Variants in NEO1 observed in about 807,000 individuals in gnomAD.
The protein encoded by NEO1 is neogenin 1.
Under a neutral mutation model 159.7 loss-of-function variants are expected in NEO1, and 63 were observed. The ratio of observed to expected loss-of-function variants is 0.39; its 90% CI spans 0.32 to 0.49. The LOEUF is 0.49. NEO1 is among the 20% of genes least tolerant of loss of function. The pLI is 0.85. For synonymous variants in NEO1, 633 were observed against 662.0 expected, an observed-to-expected ratio of 0.96 and a Z score of 0.67; for missense variants, 1,615 against 1,831.0, an observed-to-expected ratio of 0.88 and a Z score of 2.15.
chr15:73,277,148 A>G (rs2041459998), intron 21 of NEO1, among the ~76,000 whole-genome samples: 1 of 152,250 alleles, frequency 6.6e-6, no homozygotes, highest in Non-Finnish European at 1.5e-5. Flanking sequence ...GTAATATGCA[A>G]GTGCAGTCTG....
At chr15:73,281,262 T>TC (rs2151087494) in intron 22 of NEO1, among the ~76,000 whole-genome samples, 1 of 50 alleles carries the variant, frequency 0.02, no homozygotes, top group South Asian at 0.5. Flanking sequence ...CTTCAGGAGA[T>TC]TTTTTCCCCC....
At chr15:73,258,052 G>A (rs191953552) in intron 13 of NEO1, among the ~76,000 whole-genome samples, 135 of 152,262 alleles carry the variant, frequency 8.9e-4, no homozygotes, top group Middle Eastern at 3.4e-3. Context: ...CTCATGTCCT[G>A]GCCAAGTTAT....
At chr15:73,298,658 C>T (rs2042473637) in intron 27 of NEO1, 47 bp downstream of exon 27, 1 of 1,602,864 alleles carries the variant, frequency 6.2e-7, no homozygotes, top group Non-Finnish European at 8.5e-7. Flanking sequence ...CCTGGAGTGA[C>T]CCTTTGGCTC....
At chr15:73,153,595 A>G (rs566439690) in intron 5 of NEO1, among the ~76,000 whole-genome samples, 3 of 152,352 alleles carry the variant, frequency 2.0e-5, no homozygotes, top group Non-Finnish European at 4.4e-5. Context: ...ATATTGGCGA[A>G]AGTCGTTATT....
chr15:73,225,985 C>G (rs2038566319), intron 7 of NEO1, among the ~76,000 whole-genome samples: 1 of 152,166 alleles, frequency 6.6e-6, no homozygotes, highest in African/African-American at 2.4e-5. Flanking sequence ...TCCTCTACCC[C>G]TGTATTTTGC....
intron 1 of NEO1, among the ~76,000 whole-genome samples, chr15:73,105,878 G>C (rs538399740): frequency 5.9e-5 from 9 of 152,152 alleles, no homozygotes; most frequent in Admixed American, 2.0e-4. Context: ...ATTTAGTTAA[G>C]ATGGTATCTG....
intron 8 of NEO1, among the ~76,000 whole-genome samples, chr15:73,242,271 C>T (rs1458812237): frequency 6.6e-6 from 1 of 152,140 alleles, no homozygotes; most frequent in African/African-American, 2.4e-5. Flanking sequence ...GACTGGAAGC[C>T]TTGCCAATAA....
chr15:73,088,312 C>T (rs956738751), intron 1 of NEO1, among the ~76,000 whole-genome samples: 6 of 151,658 alleles, frequency 4.0e-5, no homozygotes, highest in Non-Finnish European at 7.4e-5. Context: ...GATATTGAAC[C>T]AGGAGCAAAA....
intron 5 of NEO1, among the ~76,000 whole-genome samples, chr15:73,150,090 C>T (rs1189903355): frequency 6.6e-6 from 1 of 152,086 alleles, no homozygotes; most frequent in Non-Finnish European, 1.5e-5. Context: ...TGATCACAGA[C>T]CTAAATAGTT....
At chr15:73,297,722 T>C (rs1218619365) in intron 26 of NEO1, among the ~76,000 whole-genome samples, 1 of 152,198 alleles carries the variant, frequency 6.6e-6, no homozygotes, top group African/African-American at 2.4e-5. Flanking sequence ...CTACCCCCAT[T>C]TCCTTCTCTG....
chr15:73,198,990 A>T (rs1399740174), intron 7 of NEO1, among the ~76,000 whole-genome samples: 1 of 150,232 alleles, frequency 6.7e-6, no homozygotes, highest in East Asian at 1.9e-4. Context: ...TTCAAACTTT[A>T]TTCAGATACT....
intron 8 of NEO1, among the ~76,000 whole-genome samples, chr15:73,242,339 G>A (rs556026914): frequency 1.9e-4 from 29 of 152,186 alleles, no homozygotes; most frequent in Non-Finnish European, 2.9e-4. Context: ...CGGTATTCTT[G>A]CAGTAAAGTA....
rs776315718 is a variant in NEO1, at chr15:73,249,247, T to C, written c.1755+39T>C. 1.4e-5 allele frequency: 22 copies of C among 1,599,140 alleles called. No homozygotes were observed. In the South Asian group the frequency reaches 2.4e-4, roughly 18 times the overall value. ...CAACTTTTCAAACCATTGATTGGAA[T>C]AGTAGAGTTGAAATATATTTCCAAA... On this transcript the variant is annotated intron_variant, in intron 10 of 28. Transcript: ENST00000261908.
intron 7 of NEO1, among the ~76,000 whole-genome samples, chr15:73,226,829 A>T (rs923442506): frequency 3.3e-5 from 5 of 152,226 alleles, no homozygotes; most frequent in Non-Finnish European, 7.3e-5. Flanking sequence ...GAGCTTAGAA[A>T]TTTTTAAAGA....
intron 1 of NEO1, among the ~76,000 whole-genome samples, chr15:73,096,453 C>G (rs1032522011): frequency 4.6e-5 from 7 of 152,112 alleles, no homozygotes; most frequent in Non-Finnish European, 5.9e-5. Context: ...CATTGGCTAC[C>G]AAGAGGTGGA....
At chr15:73,066,951 A>G (rs1412562758) in intron 1 of NEO1, among the ~76,000 whole-genome samples, 1 of 152,136 alleles carries the variant, frequency 6.6e-6, no homozygotes, top group Admixed American at 6.5e-5. Flanking sequence ...GATTGCCTTT[A>G]CACAGATATT....
At chr15:73,159,090 T>C (rs963930482) in intron 5 of NEO1, among the ~76,000 whole-genome samples, 2 of 152,304 alleles carry the variant, frequency 1.3e-5, no homozygotes, top group African/African-American at 4.8e-5. Flanking sequence ...ATAGCAAGAT[T>C]CTGTCTCAAA....
intron 1 of NEO1, among the ~76,000 whole-genome samples, chr15:73,059,131 T>G (rs2067859203): frequency 6.6e-6 from 1 of 152,152 alleles, no homozygotes; most frequent in East Asian, 1.9e-4. Context: ...CCAGAAATAT[T>G]AGATGCTTAC....
intron 11 of NEO1, among the ~76,000 whole-genome samples, chr15:73,250,746 G>T (rs1215314354): frequency 1.3e-5 from 2 of 152,048 alleles, no homozygotes; most frequent in Non-Finnish European, 2.9e-5. Flanking sequence ...CTAGATTAAA[G>T]AAGAGTAAAG....
Sources: allele counts gnomAD v4.1 joint callset (sites outside exome capture counted in the v4.1 genomes callset), GRCh38; gene constraint gnomAD v4.1.1; transcripts MANE v1.5; gene names NCBI Gene and HGNC (gene_info 2026-07-23, HGNC 2026-07-21).